The following SORCS2 variants were observed in gnomAD, a reference collection of about 807,000 sequenced individuals.
SORCS2 encodes the protein sortilin related VPS10 domain containing receptor 2.
In SORCS2, 100 loss-of-function variants were observed where a neutral mutation model predicts 141.6. The observed-to-expected ratio is 0.71, with a 90% CI of 0.60 to 0.83. The LOEUF (loss-of-function observed/expected upper bound fraction) is 0.83, where lower values mean the gene tolerates loss of function less well. SORCS2 is among the 40% of genes least tolerant of loss of function. The pLI, the probability that SORCS2 is intolerant of heterozygous loss-of-function variation, is 0.00. For synonymous variants in SORCS2, 789 were observed against 676.9 expected (o/e 1.17, Z -2.57); for missense variants, 1,646 against 1,560.2 (o/e 1.05, Z -0.93).
intron 4 of SORCS2, among the ~76,000 whole-genome samples, chr4:7,652,204 G>A (rs1386434529): frequency 6.6e-6 from 1 of 152,110 alleles, no homozygotes; most frequent in Non-Finnish European, 1.5e-5. Context: ...AGGAGATCTC[G>A]GCTCCCTCCA....
rs759766849 is a variant in SORCS2, at chr4:7,402,604, C to T, written c.548+6249C>T. Reference sequence around the variant, plus strand: ...TTTGCCACTCCAATCAGGGCTGCAGCGAGCACCTGTGAACACGTCTCCAGT... The same window carrying T: ...TTTGCCACTCCAATCAGGGCTGCAGTGAGCACCTGTGAACACGTCTCCAGT... On this transcript the variant is annotated intron_variant, in intron 2 of 26. Transcript: ENST00000507866. Among the ~76,000 whole-genome samples, 8 of 152,162 alleles carry T rather than the reference C, an allele frequency of 5.3e-5. No individual in the cohort carries two copies. The East Asian group carries it at 5.8e-4, about 11-fold the overall frequency.
At chr4:7,669,260 ATC>A (rs1722665128) in intron 8 of SORCS2, among the ~76,000 whole-genome samples, 1 of 152,228 alleles carries the variant, frequency 6.6e-6, no homozygotes, top group South Asian at 2.1e-4. Context: ...CCAGGGAGCC[ATC>A]CAGGGCAGGT....
intron 1 of SORCS2, among the ~76,000 whole-genome samples, chr4:7,386,768 CAT>C (rs1210978160): frequency 5.7e-5 from 2 of 34,976 alleles, no homozygotes; most frequent in African/African-American, 1.6e-4. Flanking sequence ...GAGATACACA[CAT>C]ATGCACACAT....
At chr4:7,645,325 A>G (rs1721004185) in intron 4 of SORCS2, among the ~76,000 whole-genome samples, 3 of 152,192 alleles carry the variant, frequency 2.0e-5, no homozygotes, top group Admixed American at 2.0e-4. Flanking sequence ...TGTGAGCTCA[A>G]GTCTGTGAGA....
intron 3 of SORCS2, among the ~76,000 whole-genome samples, chr4:7,557,088 T>C (rs1714189522): frequency 6.6e-6 from 1 of 152,202 alleles, no homozygotes; most frequent in Non-Finnish European, 1.5e-5. Flanking sequence ...CTCCTCTCAG[T>C]GGGAAGACAA....
At chr4:7,610,139 A>T (rs1482391011) in intron 3 of SORCS2, among the ~76,000 whole-genome samples, 1 of 151,920 alleles carries the variant, frequency 6.6e-6, no homozygotes, top group Non-Finnish European at 1.5e-5. Flanking sequence ...AATTGGGGGG[A>T]AATCTTATCA....
intron 8 of SORCS2, among the ~76,000 whole-genome samples, chr4:7,672,674 A>T (rs1246864509): frequency 6.6e-6 from 1 of 152,138 alleles, no homozygotes; most frequent in Non-Finnish European, 1.5e-5. Flanking sequence ...CTCCTCAAGG[A>T]GGTATTGTTG....
Position 7,585,646 on chromosome 4 carries a change from A to G in SORCS2, c.649-52682A>G, listed in dbSNP as rs74430479. On this transcript the variant is annotated intron_variant, in intron 3 of 26. Coordinates refer to ENST00000507866, the MANE Select transcript of SORCS2 (RefSeq NM_020777.3). ...CTTCTATCTTTTGTGTTCATGAACTAACTGTACCATTTTCATTGTTTTATG... is the reference window on the plus strand; with the variant it reads ...CTTCTATCTTTTGTGTTCATGAACTGACTGTACCATTTTCATTGTTTTATG... Among the ~76,000 whole-genome samples the G allele has an allele frequency of 7.7e-3, 1,169 of 152,354 alleles. 20 individuals are homozygous for G. The highest frequency in any genetic ancestry group is 0.026 in the African/African-American group (1,091 of 41,588).
At chr4:7,440,324 C>T (rs540964490) in intron 2 of SORCS2, among the ~76,000 whole-genome samples, 8 of 152,306 alleles carry the variant, frequency 5.3e-5, no homozygotes, top group Non-Finnish European at 8.8e-5. Context: ...AGTCTGCCTG[C>T]GGCTTGCTTC....
At chr4:7,506,192 G>A (rs374007065) in intron 2 of SORCS2, among the ~76,000 whole-genome samples, 3 of 152,080 alleles carry the variant, frequency 2.0e-5, no homozygotes, top group East Asian at 3.9e-4. Context: ...AGTGAACAGC[G>A]CGTGAGAAAA....
rs112106898 is a variant in SORCS2 at position 7,706,145 on chromosome 4, A to G, written c.1868+1861A>G. Among the ~76,000 whole-genome samples the G allele has an allele frequency of 1.1e-3, 77 of 68,214 alleles. 3 individuals carry two copies. The highest frequency in any genetic ancestry group is 2.7e-3 in the African/African-American group (47 of 17,540). 44.8% of individuals were successfully genotyped at this position (68,214 alleles called of 152,430 possible). A position where few individuals can be genotyped will look rare whatever the true frequency, so the allele number is the denominator to read the frequency against. ...ATGAGGCTGGGCTCCGCCTGGACAG[A>G]GAAGAGGCTGGGCTCCGTCTGGGCA... On this transcript the variant is annotated intron_variant, in intron 14 of 26. Coordinates refer to ENST00000507866, the MANE Select transcript of SORCS2 (RefSeq NM_020777.3).
At chr4:7,343,890 C>T (rs1008406141) in intron 1 of SORCS2, among the ~76,000 whole-genome samples, 2 of 152,234 alleles carry the variant, frequency 1.3e-5, no homozygotes, top group African/African-American at 4.8e-5. Context: ...CTTCCAGTTT[C>T]TGTGAGTGGC....
At chr4:7,194,155 T>C (rs1339850282) in intron 1 of SORCS2, among the ~76,000 whole-genome samples, 1 of 151,954 alleles carries the variant, frequency 6.6e-6, no homozygotes, top group South Asian at 2.1e-4. Context: ...AGGGTACATT[T>C]GTATGGGGAG....
chr4:7,323,611 T>C (rs911225413), intron 1 of SORCS2, among the ~76,000 whole-genome samples: 9 of 151,964 alleles, frequency 5.9e-5, no homozygotes, highest in Admixed American at 2.0e-4. Context: ...GAGGGCTGGG[T>C]TCCCACTCAG....
At chr4:7,426,381 C>T (rs1726440144) in intron 2 of SORCS2, among the ~76,000 whole-genome samples, 1 of 151,016 alleles carries the variant, frequency 6.6e-6, no homozygotes, top group Non-Finnish European at 1.5e-5. Context: ...TCCCAGCACA[C>T]ACTGCCCCGC....
intron 22 of SORCS2, 74 bp downstream of exon 22, chr4:7,728,536 G>A: frequency 9.0e-7 from 1 of 1,111,554 alleles, no homozygotes. Context: ...AGGGCCCCGG[G>A]GTGCTCAGGG....
At chr4:7,711,685 C>T (rs762849223) in intron 14 of SORCS2, among the ~76,000 whole-genome samples, 5 of 152,226 alleles carry the variant, frequency 3.3e-5, no homozygotes, top group Non-Finnish European at 5.9e-5. Context: ...ACAGCAATGA[C>T]TGCTGACTGC....
At position 7,286,925 on chromosome 4, in the gene SORCS2, A is replaced by C. The variant is rs1323512958; in HGVS notation, c.480+93799A>C. On this transcript the variant is annotated intron_variant, in intron 1 of 26. Transcript: ENST00000507866. The surrounding 1 kb of genome is among the most constrained non-coding windows in gnomAD (Gnocchi z 4.1). ...GGGTCCGAGTGAGGAGACACAAGTC[A>C]GCAGAGGCAGAGAGAGGGACCAGGG... 6.6e-6 allele frequency among the ~76,000 whole-genome samples: 1 copy of C among 152,206 alleles called. No homozygotes were observed. The highest frequency in any genetic ancestry group is 1.5e-5 in the Non-Finnish European group (1 of 68,030).
At position 7,727,436 on chromosome 4, in the gene SORCS2, C is replaced by A. The variant is rs879654966; in HGVS notation, c.2869+533C>A. The stretch of plus-strand genomic sequence containing the variant: ...CCTAAGACTGAAGGAGACCCCCCCC[C>A]CCCTTGTCAAGGAGGCAGAGCTCAT... On this transcript the variant is annotated intron_variant, in intron 21 of 26. Coordinates refer to ENST00000507866, the MANE Select transcript of SORCS2 (RefSeq NM_020777.3). 2.6e-3 allele frequency among the ~76,000 whole-genome samples: 390 copies of A among 152,238 alleles called. 1 individual carries two copies. Among genetic ancestry groups the A allele is most frequent in the Non-Finnish European group, 4.7e-3 (317 of 67,990 alleles).
Sources: gnomAD v4.1 joint callset for allele counts (sites outside exome capture counted in the v4.1 genomes callset) on GRCh38, gnomAD v4.1.1 for gene constraint, Gnocchi (gnomAD v3.1) non-coding constraint, MANE v1.5 for transcripts, NCBI Gene and HGNC (gene_info 2026-07-23, HGNC 2026-07-21) for gene names.